The following NALCN variants were observed in gnomAD, a reference collection of about 807,000 sequenced individuals.
NALCN encodes sodium leak channel NALCN.
NALCN carries 111 observed loss-of-function variants against 225.3 expected under a neutral mutation model. The observed-to-expected ratio is 0.49, with a 90% CI of 0.42 to 0.58. The LOEUF is 0.58. Ranked by LOEUF, NALCN falls within the 20% of genes least tolerant of loss-of-function variation. The probability of loss-of-function intolerance (pLI) is 0.00; values close to 1 mark genes in which losing one functional copy is unlikely to be tolerated. For missense variants in NALCN, 1,378 were observed against 2,202.4 expected (o/e 0.63, Z 7.49); for synonymous variants, 764 against 769.0 (o/e 0.99, Z 0.11).
At chr13:101,216,889 C>A (rs1316755452) in intron 13 of NALCN, among the ~76,000 whole-genome samples, 1 of 152,080 alleles carries the variant, frequency 6.6e-6, no homozygotes, top group Non-Finnish European at 1.5e-5. Flanking sequence ...AAGTAATTAA[C>A]ATTTAGAGAA....
intron 10 of NALCN, among the ~76,000 whole-genome samples, chr13:101,272,979 A>G (rs2140258275): frequency 6.6e-6 from 1 of 152,306 alleles, no homozygotes; most frequent in East Asian, 1.9e-4. Flanking sequence ...CCACCGTTTG[A>G]CCTACTTTCA....
At chr13:101,340,058 G>A (rs1325875266) in intron 7 of NALCN, among the ~76,000 whole-genome samples, 2 of 151,528 alleles carry the variant, frequency 1.3e-5, no homozygotes, top group East Asian at 3.9e-4. Flanking sequence ...ACGAGGTCAG[G>A]AGATCGAGAC....
chr13:101,217,644 G>A (rs2040789257), intron 13 of NALCN, among the ~76,000 whole-genome samples: 1 of 152,096 alleles, frequency 6.6e-6, no homozygotes, highest in Non-Finnish European at 1.5e-5. Context: ...GGAGGTGTAA[G>A]GAATGCACAT....
intron 31 of NALCN, 40 bp downstream of exon 31, chr13:101,083,671 C>G (rs1264937929): frequency 6.3e-7 from 1 of 1,589,338 alleles, no homozygotes; most frequent in Non-Finnish European, 8.6e-7. Flanking sequence ...ATCGTGCACA[C>G]TAGTGCCCAA....
At chr13:101,115,512 A>G (rs971024908) in intron 18 of NALCN, among the ~76,000 whole-genome samples, 2 of 152,230 alleles carry the variant, frequency 1.3e-5, no homozygotes, top group Non-Finnish European at 2.9e-5. Context: ...GACTTCCAAT[A>G]TTTTATATAA....
intron 13 of NALCN, among the ~76,000 whole-genome samples, chr13:101,208,140 A>G (rs185816115): frequency 0.01 from 1,582 of 152,308 alleles, 11 homozygotes; most frequent in Admixed American, 0.023. Context: ...TGTAACACTC[A>G]CCACGAAGGT....
chr13:101,096,015 A>T (rs1215721738), intron 27 of NALCN, among the ~76,000 whole-genome samples: 10 of 152,134 alleles, frequency 6.6e-5, no homozygotes, highest in Admixed American at 3.3e-4. Context: ...ATGATATATC[A>T]CCTCACACCC....
At chr13:101,404,496 C>G (rs1343807373) in intron 1 of NALCN, among the ~76,000 whole-genome samples, 1 of 152,114 alleles carries the variant, frequency 6.6e-6, no homozygotes, top group Non-Finnish European at 1.5e-5. Context: ...TCTAGAGACT[C>G]AATCATTTTT....
In NALCN at chr13:101,229,445, A is replaced by G; in HGVS notation, c.1574T>C (p.Leu525Ser). The change falls in exon 13 of 44, where the codon TTG becomes TCG. Residue 525 changes from leucine to serine, a missense_variant. Physicochemically the swap from Leu to Ser is moderately radical, Grantham distance 145 (BLOSUM62 -2). Coordinates refer to ENST00000251127, the MANE Select transcript of NALCN (RefSeq NM_052867.4). ...SLLIVMSAIS[L>S]QMFCFVEELD... Reference sequence around the variant, plus strand: ...TTCTTCGACAAAGCAGAACATCTGCAAACTAATTGCTGACATAACAATCAA... The same window carrying G: ...TTCTTCGACAAAGCAGAACATCTGCGAACTAATTGCTGACATAACAATCAA... The G allele has an allele frequency of 6.2e-7, 1 of 1,609,570 alleles. No individual in the cohort carries two copies. Among genetic ancestry groups the G allele is most frequent in the Non-Finnish European group, 8.5e-7 (1 of 1,178,198 alleles).
intron 18 of NALCN, 27 bp from the exon 19 acceptor site, chr13:101,111,253 A>T (rs1215377748): frequency 1.3e-6 from 2 of 1,565,204 alleles, no homozygotes; most frequent in Admixed American, 1.7e-5. Context: ...AGCCCAAGAT[A>T]AATGCATGGT....
intron 10 of NALCN, among the ~76,000 whole-genome samples, chr13:101,259,581 G>A (rs527477381): frequency 5.3e-5 from 8 of 151,342 alleles, no homozygotes; most frequent in African/African-American, 1.5e-4. Flanking sequence ...TGATCCGCCC[G>A]CCTCGGCCTC....
intron 7 of NALCN, among the ~76,000 whole-genome samples, chr13:101,331,636 T>C (rs1394873868): frequency 2.0e-5 from 3 of 152,060 alleles, no homozygotes; most frequent in African/African-American, 4.8e-5. Flanking sequence ...TTCCGTTGTT[T>C]AAAAGTGTTC....
chr13:101,259,492 T>G (rs1241034276), intron 10 of NALCN, among the ~76,000 whole-genome samples: 7 of 151,356 alleles, frequency 4.6e-5, no homozygotes, highest in Non-Finnish European at 8.8e-5. Flanking sequence ...CGCCACCACG[T>G]CTGGCTAATT....
chr13:101,071,318 A>T (rs1015228332), intron 37 of NALCN, among the ~76,000 whole-genome samples: 1 of 152,216 alleles, frequency 6.6e-6, no homozygotes, highest in Admixed American at 6.5e-5. Context: ...CTTTCTAGCT[A>T]TGAAAGTTCT....
intron 14 of NALCN, among the ~76,000 whole-genome samples, chr13:101,191,186 T>C (rs977497080): frequency 1.3e-5 from 2 of 152,224 alleles, no homozygotes; most frequent in Non-Finnish European, 2.9e-5. Flanking sequence ...TAACGTGATG[T>C]TAGAACTTAG....
chr13:101,304,830 G>A (rs1760242), intron 7 of NALCN, among the ~76,000 whole-genome samples: 78,977 of 146,972 alleles, frequency 0.54, 21,421 homozygotes, highest in African/African-American at 0.62. Flanking sequence ...ATCTCAGCTC[G>A]CTGCAATCTC....
intron 34 of NALCN, among the ~76,000 whole-genome samples, chr13:101,078,836 C>G (rs2033436475): frequency 6.6e-6 from 1 of 152,050 alleles, no homozygotes; most frequent in Admixed American, 6.5e-5. Context: ...TAACTGTGTC[C>G]CCACCCAAAT....
chr13:101,063,413 G>T (rs988319142), intron 40 of NALCN, among the ~76,000 whole-genome samples: 4 of 152,338 alleles, frequency 2.6e-5, no homozygotes, highest in Admixed American at 2.6e-4. Flanking sequence ...ATAGGAAGGG[G>T]AGAGACAGCC....
chr13:101,263,240 A>AGAGCTGCC (rs1389170173), intron 10 of NALCN, among the ~76,000 whole-genome samples: 2 of 152,242 alleles, frequency 1.3e-5, no homozygotes, highest in African/African-American at 4.8e-5. Context: ...ATCAAATTCC[A>AGAGCTGCC]GAGCTGCCAA....
Sources: gnomAD v4.1 joint callset for allele counts (sites outside exome capture counted in the v4.1 genomes callset) on GRCh38, gnomAD v4.1.1 for gene constraint, MANE v1.5 for transcripts, NCBI Gene and HGNC (gene_info 2026-07-23, HGNC 2026-07-21) for gene names.